HAUS1: variants seen among roughly 807,000 people sequenced by gnomAD.
HAUS1 encodes the protein HAUS augmin-like complex subunit 1.
A neutral mutation model predicts 38.6 loss-of-function variants in HAUS1; 25 were observed. The ratio of observed to expected loss-of-function variants is 0.65; its 90% confidence interval spans 0.47 to 0.91. HAUS1 has a LOEUF of 0.91. Ranked by LOEUF, HAUS1 falls within the 40% of genes least tolerant of loss-of-function variation. The pLI is 0.00. For synonymous variants in HAUS1, 109 were observed against 112.9 expected (o/e 0.97, Z 0.22); for missense variants, 325 against 328.4 (o/e 0.99, Z 0.08).
chr18:46,125,574 AT>A (rs1912080800), intron 7 of HAUS1, among the ~76,000 whole-genome samples, 169 bp from the exon 8 acceptor site: 1 of 151,576 alleles, frequency 6.6e-6, no homozygotes, highest in African/African-American at 2.4e-5. Context: ...AAAGAAAATA[AT>A]GTGTTGGTTT....
chr18:46,127,764 A>G (rs1298549236), intron 8 of HAUS1, among the ~76,000 whole-genome samples: 5 of 151,764 alleles, frequency 3.3e-5, no homozygotes, highest in Admixed American at 6.6e-5. Context: ...GTGGAAGCAC[A>G]TTGTTTTAGT....
intron 4 of HAUS1, among the ~76,000 whole-genome samples, chr18:46,121,464 T>G (rs1388761689): frequency 6.6e-6 from 1 of 152,116 alleles, no homozygotes; most frequent in Non-Finnish European, 1.5e-5. Context: ...TATTTCAAAT[T>G]GGCTTCAGAT....
At chr18:46,109,070 CAAAAAA>C (rs58584750) in intron 2 of HAUS1, among the ~76,000 whole-genome samples, 1 of 83,082 alleles carries the variant, frequency 1.2e-5, no homozygotes, top group Admixed American at 1.3e-4. Flanking sequence ...GACTCCGTCT[CAAAAAA>C]AAAAAAAAAA....
intron 2 of HAUS1, among the ~76,000 whole-genome samples, chr18:46,110,452 C>A (rs1398718159): frequency 7.4e-6 from 1 of 135,484 alleles, no homozygotes; most frequent in African/African-American, 2.8e-5. Context: ...TCAAGTGATT[C>A]TTCTGCCTCA....
At chr18:46,125,340 G>C (rs191280959) in intron 7 of HAUS1, among the ~76,000 whole-genome samples, 2 of 151,944 alleles carry the variant, frequency 1.3e-5, no homozygotes, top group African/African-American at 2.4e-5. Context: ...CACGAGGTCA[G>C]GAGTTTGAGA....
chr18:46,125,537 ACTCTGT>A, intron 7 of HAUS1, among the ~76,000 whole-genome samples: 1 of 137,246 alleles, frequency 7.3e-6, no homozygotes, highest in African/African-American at 2.7e-5. Flanking sequence ...ACAGAGTGAG[ACTCTGT>A]CTCAAAAAAA....
At chr18:46,108,221 A>G (rs1002059898) in intron 2 of HAUS1, among the ~76,000 whole-genome samples, 4 of 150,708 alleles carry the variant, frequency 2.7e-5, no homozygotes, top group Non-Finnish European at 5.9e-5. Flanking sequence ...GTGTAATGTT[A>G]GCTGTGGGAT....
At chr18:46,126,709 C>T (rs920857127) in intron 8 of HAUS1, 4 of 152,004 alleles carry the variant, frequency 2.6e-5, no homozygotes. Context: ...ACTGCAACCT[C>T]CGCCTCCCAG....
intron 2 of HAUS1, among the ~76,000 whole-genome samples, chr18:46,117,682 C>T (rs928299093): frequency 6.6e-6 from 1 of 151,984 alleles, no homozygotes; most frequent in Non-Finnish European, 1.5e-5. Context: ...CAGTGGCTTA[C>T]GCTTGTAATT....
chr18:46,117,873 G>C (rs375733937), intron 2 of HAUS1, among the ~76,000 whole-genome samples: 3 of 152,004 alleles, frequency 2.0e-5, no homozygotes, highest in East Asian at 1.9e-4. Flanking sequence ...TGGAACCCGG[G>C]GGGTGGAGGT....
intron 2 of HAUS1, chr18:46,115,131 G>A (rs117907336): frequency 2.6e-5 from 4 of 152,138 alleles, no homozygotes; most frequent in Non-Finnish European, 5.9e-5. Context: ...GAATGAAGTT[G>A]GACTCAAACT....
chr18:46,126,640 T>C (rs12604134), intron 8 of HAUS1: 24,385 of 150,912 alleles, frequency 0.16, 2,850 homozygotes, highest in East Asian at 0.41. Context: ...TTTTTTTTTT[T>C]TTGAGACAGA....
chr18:46,113,289 C>T (rs1469275672), intron 2 of HAUS1, among the ~76,000 whole-genome samples: 1 of 151,802 alleles, frequency 6.6e-6, no homozygotes, highest in African/African-American at 2.4e-5. Flanking sequence ...GTTGCCCAGG[C>T]TGGTCTCAAA....
intron 2 of HAUS1, among the ~76,000 whole-genome samples, chr18:46,108,746 C>A (rs1009855288): frequency 6.6e-6 from 1 of 151,988 alleles, no homozygotes; most frequent in Admixed American, 6.6e-5. Flanking sequence ...TCTCAAACTG[C>A]TATAACGAAC....
intron 5 of HAUS1, 68 bp from the exon 6 acceptor site, chr18:46,123,230 GA>G: frequency 9.1e-7 from 1 of 1,098,272 alleles, no homozygotes; most frequent in Middle Eastern, 2.9e-4. Flanking sequence ...AGAAGAAAAA[GA>G]AAAATATTTG....
chr18:46,112,276 A>G (rs187867123), intron 2 of HAUS1, among the ~76,000 whole-genome samples: 2,004 of 127,718 alleles, frequency 0.016, 11 homozygotes, highest in African/African-American at 0.036. Context: ...CATATTATAT[A>G]TATAATATAT....
intron 7 of HAUS1, 85 bp from the exon 8 acceptor site, chr18:46,125,659 T>G (rs1912083749): frequency 1.1e-6 from 1 of 938,928 alleles, no homozygotes; most frequent in Admixed American, 2.5e-5. Context: ...GATTTTTGCC[T>G]TTTGAAAAGG....
At chr18:46,125,649 G>A in intron 7 of HAUS1, 95 bp from the exon 8 acceptor site, 1 of 776,378 alleles carries the variant, frequency 1.3e-6, no homozygotes, top group Non-Finnish European at 2.2e-6. Context: ...CCTCTGGGAG[G>A]ATTTTTGCCT....
chr18:46,104,472 T>A (rs1234343565), intron 1 of HAUS1, 31 bp downstream of exon 1: 1 of 1,458,802 alleles, frequency 6.9e-7, no homozygotes, highest in South Asian at 1.4e-5. Flanking sequence ...ATCGTTGGCC[T>A]CCTGGAAAAC....
Sources: gnomAD v4.1 joint callset for allele counts (sites outside exome capture counted in the v4.1 genomes callset) on GRCh38, gnomAD v4.1.1 for gene constraint, MANE v1.5 for transcripts, NCBI Gene and HGNC (gene_info 2026-07-23, HGNC 2026-07-21) for gene names.